The following ATP2B1 variants were observed in gnomAD, a reference collection of about 807,000 sequenced individuals.
ATP2B1 encodes ATPase plasma membrane Ca2+ transporting 1.
Under a neutral mutation model 124.2 loss-of-function variants are expected in ATP2B1, and 14 were observed. The observed-to-expected ratio is 0.11, with a 90% CI of 0.07 to 0.18. The LOEUF is 0.18. ATP2B1 is among the 10% of genes least tolerant of loss of function. The probability of loss-of-function intolerance (pLI) is 1.00; values close to 1 mark genes in which losing one functional copy is unlikely to be tolerated. For synonymous variants in ATP2B1, 449 were observed against 492.4 expected (o/e 0.91, Z 1.17); for missense variants, 763 against 1,466.1 (o/e 0.52, Z 7.83).
chr12:89,637,746 C>T (rs1198728442), intron 3 of ATP2B1, among the ~76,000 whole-genome samples: 1 of 152,016 alleles, frequency 6.6e-6, no homozygotes, highest in Non-Finnish European at 1.5e-5. Context: ...TGAAAATATA[C>T]AAATTATATA....
At chr12:89,631,818 T>TA (rs1376149322) in intron 5 of ATP2B1, among the ~76,000 whole-genome samples, 2 of 151,986 alleles carry the variant, frequency 1.3e-5, no homozygotes, top group Admixed American at 1.3e-4. Context: ...ATACAACTTT[T>TA]TTTTTTTTTT....
intron 1 of ATP2B1, among the ~76,000 whole-genome samples, chr12:89,672,582 C>T (rs950194281): frequency 6.6e-6 from 1 of 152,122 alleles, no homozygotes; most frequent in African/African-American, 2.4e-5. Flanking sequence ...TTGCCTTGTA[C>T]ACGTCTCTTG....
chr12:89,598,065 C>CAAAAAAAAAAAAAAAAAAAAAAA (rs1565797438), intron 20 of ATP2B1, among the ~76,000 whole-genome samples: 8 of 49,672 alleles, frequency 1.6e-4, no homozygotes, highest in African/African-American at 3.7e-4. Flanking sequence ...AAAAAAAAAT[C>CAAAAAAAAAAAAAAAAAAAAAAA]AAAGCAAGGC....
At chr12:89,628,549 T>C (rs968728436) in intron 6 of ATP2B1, among the ~76,000 whole-genome samples, 47 of 151,866 alleles carry the variant, frequency 3.1e-4, no homozygotes, top group African/African-American at 1.2e-4. Context: ...CCAGTAAGAC[T>C]ACCAGGTAAG....
At chr12:89,596,871 G>C (rs187660201) in intron 20 of ATP2B1, among the ~76,000 whole-genome samples, 3 of 152,144 alleles carry the variant, frequency 2.0e-5, no homozygotes, top group African/African-American at 7.2e-5. Context: ...TTCAGTACCA[G>C]ACTATTATCA....
intron 2 of ATP2B1, among the ~76,000 whole-genome samples, chr12:89,643,065 T>TACACACACACACACACACACACACACAC: frequency 7.0e-6 from 1 of 143,640 alleles, no homozygotes; most frequent in African/African-American, 2.6e-5. Flanking sequence ...TAAAGATACA[T>TACACACACACACACACACACACACACAC]ACACACACAC....
intron 1 of ATP2B1, among the ~76,000 whole-genome samples, chr12:89,695,791 G>A (rs1235681202): frequency 6.6e-6 from 1 of 152,156 alleles, no homozygotes. Context: ...CTCTTTAGAA[G>A]CAGGGATAGT....
In ATP2B1 at chr12:89,649,082, C is replaced by A. The variant is rs1589289; in HGVS notation, c.208+6597G>T. Among the ~76,000 whole-genome samples, 99 of 152,354 alleles carry A rather than the reference C, an allele frequency of 6.5e-4. 1 individual carries two copies. The highest frequency in any genetic ancestry group is 2.5e-3 in the Admixed American group (39 of 15,310). ...AAGAGAAGCCCGCCTAGGGGCAGAG[C>A]CCCCATAGTGAAACTCCACTAGGGC... On this transcript the variant is annotated intron_variant, in intron 2 of 20. Transcript: ENST00000428670.
intron 3 of ATP2B1, among the ~76,000 whole-genome samples, chr12:89,641,332 T>C (rs1883473100): frequency 1.3e-5 from 2 of 152,224 alleles, no homozygotes; most frequent in Non-Finnish European, 2.9e-5. Context: ...TTGGTTAGGA[T>C]ACTCTGTACA....
At chr12:89,665,217 T>A (rs1592914739) in intron 1 of ATP2B1, among the ~76,000 whole-genome samples, 2 of 152,332 alleles carry the variant, frequency 1.3e-5, no homozygotes, top group East Asian at 3.9e-4. Flanking sequence ...TGTGTTTTGA[T>A]TTTTAGTACC....
At chr12:89,681,381 A>ATTTTTTTTTTTTTT (rs201477706) in intron 1 of ATP2B1, among the ~76,000 whole-genome samples, 1 of 142,036 alleles carries the variant, frequency 7.0e-6, no homozygotes. Context: ...AATCCCTATA[A>ATTTTTTTTTTTTTT]ATTTTTTTTT....
chr12:89,704,815 C>T (rs969547037), intron 1 of ATP2B1, among the ~76,000 whole-genome samples: 1 of 152,008 alleles, frequency 6.6e-6, no homozygotes, highest in Non-Finnish European at 1.5e-5. Context: ...ACACAAACTA[C>T]CACCAGAAAA....
intron 1 of ATP2B1, among the ~76,000 whole-genome samples, chr12:89,678,287 A>C (rs1448888846): frequency 6.6e-6 from 1 of 152,094 alleles, no homozygotes; most frequent in Non-Finnish European, 1.5e-5. Flanking sequence ...GAAGGATTAA[A>C]TGATATTTTT....
At chr12:89,591,773 T>C (rs1220992600) in intron 20 of ATP2B1, among the ~76,000 whole-genome samples, 2 of 151,904 alleles carry the variant, frequency 1.3e-5, no homozygotes, top group African/African-American at 2.4e-5. Flanking sequence ...CAAGCAAATA[T>C]AAGCTGAATG....
rs1876219850 is a variant in ATP2B1 at position 89,603,229 on chromosome 12, A to G, written c.2874T>C (p.Ser958=). Residue 958 remains serine (S), a synonymous_variant, in exon 18 of 21, where the codon AGT becomes AGC. Coordinates refer to ENST00000428670, the MANE Select transcript of ATP2B1 (RefSeq NM_001366521.1). This position sits in a 1 kb window ranked among gnomAD's most constrained non-coding sequence, Gnocchi z 4.3. ...FAGEKFFDID[S]GRNAPLHAPP... is the part of the protein sequence containing the mutation. ...GAGCATGCAAAGGAGCATTTCTTCC[A>G]CTATCAATGTCAAAAAACTTTTCTC... The G allele has an allele frequency of 6.2e-7, 1 of 1,607,628 alleles. No individual in the cohort carries two copies. The highest frequency in any genetic ancestry group is 1.3e-5 in the African/African-American group (1 of 74,768).
intron 5 of ATP2B1, 79 bp from the exon 6 acceptor site, chr12:89,630,724 ATT>A (rs1397747444): frequency 2.9e-6 from 3 of 1,047,772 alleles, no homozygotes; most frequent in Admixed American, 6.2e-5. Flanking sequence ...CTTCAGTAAT[ATT>A]GTTTTTAACA....
chr12:89,683,124 T>C (rs1330278794), intron 1 of ATP2B1, among the ~76,000 whole-genome samples: 3 of 152,202 alleles, frequency 2.0e-5, no homozygotes, highest in Middle Eastern at 3.2e-3. Flanking sequence ...GAAAATATCA[T>C]CTCTCATCAT....
Position 89,686,428 on chromosome 12 carries a change from G to A in ATP2B1, c.-222+22168C>T, listed in dbSNP as rs180801843. Among the ~76,000 whole-genome samples the A allele has an allele frequency of 1.7e-4, 26 of 152,092 alleles. No homozygotes were observed. The East Asian group carries it at 4.6e-3, about 27-fold the overall frequency. On this transcript the variant is annotated intron_variant, in intron 1 of 20. Transcript: ENST00000428670. ...CTACAAGAATGCCAGATACTGATAT[G>A]CTTTTGCGTACACTCACTTTTATTT...
In ATP2B1 at chr12:89,658,474, G is replaced by A. The variant is rs565101235; in HGVS notation, c.-221-2367C>T. The stretch of plus-strand genomic sequence containing the variant: ...TTAGTTCTGGGTTCAATACTAGAGC[G>A]TTGTTGTCACACAAAAACCAAGTCA... On this transcript the variant is annotated intron_variant, in intron 1 of 20. Transcript: ENST00000428670. 7.2e-5 allele frequency among the ~76,000 whole-genome samples: 11 copies of A among 152,264 alleles called. No homozygotes were observed. The East Asian group carries it at 7.7e-4, about 11-fold the overall frequency.
Sources: allele counts gnomAD v4.1 joint callset (sites outside exome capture counted in the v4.1 genomes callset), GRCh38; gene constraint gnomAD v4.1.1; non-coding constraint Gnocchi (gnomAD v3.1); transcripts MANE v1.5; gene names NCBI Gene and HGNC (gene_info 2026-07-23, HGNC 2026-07-21).